The following VTCN1 variants were observed in gnomAD, a reference collection of about 807,000 sequenced individuals.
VTCN1 encodes V-set domain containing T cell activation inhibitor 1.
Under a neutral mutation model 26.5 loss-of-function variants are expected in VTCN1, and 26 were observed. That is an observed-to-expected ratio of 0.98 (90% CI 0.72 to 1.36). VTCN1 has a LOEUF of 1.36. VTCN1 is among the 40% of genes most tolerant of loss of function. The pLI is 0.00. For missense variants in VTCN1, 298 were observed against 337.7 expected (o/e 0.88, Z 0.92); for synonymous variants, 116 against 130.7 (o/e 0.89, Z 0.77).
chr1:117,203,783 C>A lies in VTCN1; in HGVS notation c.32+7041G>T, dbSNP rs140286460. On this transcript the variant is annotated intron_variant, in intron 1 of 5. Coordinates refer to ENST00000369458, the MANE Select transcript of VTCN1 (RefSeq NM_024626.4). ...TCTGGAGGAATCAGGGAGCACAGAG[C>A]GGCTGCTAATACAGAGAATCACCTG... 967 of 985,338 alleles carry A rather than the reference C, an allele frequency of 9.8e-4. 11 individuals are homozygous for A. The African/African-American group carries it at 0.016, about 16-fold the overall frequency. The allele number at this position is 985,338 out of a possible 1,614,324, so 61.0% of individuals were successfully genotyped here. A position where few individuals can be genotyped will look rare whatever the true frequency, so the allele number is the denominator to read the frequency against.
At position 117,143,634 on chromosome 1, in the gene VTCN1, C is replaced by G. The variant is rs1421110939; in HGVS notation, c.*1637G>C. 1 of 152,174 alleles carries G rather than the reference C, an allele frequency of 6.6e-6. No homozygotes were observed. The highest frequency in any genetic ancestry group is 1.5e-5 in the Non-Finnish European group (1 of 68,038). The allele number at this position is 152,174 out of a possible 1,614,324, so 9.4% of individuals were successfully genotyped here. A position where few individuals can be genotyped will look rare whatever the true frequency, so the allele number is the denominator to read the frequency against. ...ATCATTCTCTTGAACGATCAGAACT[C>G]TAAAATCAGTTTTCTATAACAACAT... On this transcript the variant is annotated 3_prime_UTR_variant, in exon 6 of 6. Coordinates refer to ENST00000369458, the MANE Select transcript of VTCN1 (RefSeq NM_024626.4).
intron 4 of VTCN1, among the ~76,000 whole-genome samples, chr1:117,152,264 T>G (rs936656780): frequency 6.6e-6 from 1 of 152,216 alleles, no homozygotes; most frequent in African/African-American, 2.4e-5. Context: ...AGAATATGAT[T>G]TATTCAGTTA....
At position 117,146,813 on chromosome 1, in the gene VTCN1, C is replaced by A. The variant is rs954420356; in HGVS notation, c.*45+800G>T. Among the ~76,000 whole-genome samples the A allele has an allele frequency of 6.6e-6, 1 of 152,186 alleles. No individual in the cohort carries two copies. Among genetic ancestry groups the A allele is most frequent in the African/African-American group, 2.4e-5 (1 of 41,520 alleles). ...GATGAAATCGTGTTTCAGAATACTT[C>A]GATTCTGGCACCGTGTTTCCTATCA... On this transcript the variant is annotated intron_variant, in intron 5 of 5. Transcript: ENST00000369458. The surrounding 1 kb of genome is among the most constrained non-coding windows in gnomAD (Gnocchi z 4.2).
intron 2 of VTCN1, among the ~76,000 whole-genome samples, chr1:117,160,863 A>T (rs1268023497): frequency 6.6e-6 from 1 of 152,218 alleles, no homozygotes; most frequent in Non-Finnish European, 1.5e-5. Context: ...AAATGAGGGT[A>T]ATGAATGAGG....
intron 3 of VTCN1, among the ~76,000 whole-genome samples, 181 bp from the exon 4 acceptor site, chr1:117,153,550 T>A (rs895137444): frequency 3.3e-5 from 5 of 151,078 alleles, no homozygotes; most frequent in African/African-American, 1.2e-4. Context: ...TAGGTGCGAA[T>A]AATTATTTGC....
chr1:117,157,682 C>A (rs1000125216), intron 2 of VTCN1, among the ~76,000 whole-genome samples: 1 of 152,160 alleles, frequency 6.6e-6, no homozygotes, highest in Non-Finnish European at 1.5e-5. Context: ...CCCTCCAAAT[C>A]TCACGTTCTC....
rs534107028 is a variant in VTCN1 at position 117,173,280 on chromosome 1, A to T, written c.33-3109T>A. ...ACACAATTGCAGATGTAGTTAGTTA[A>T]GGTCATACCAGAGTAGGGTAGTGGT... is the stretch of plus-strand genomic sequence containing the variant. On this transcript the variant is annotated intron_variant, in intron 1 of 5. Coordinates refer to ENST00000369458, the MANE Select transcript of VTCN1 (RefSeq NM_024626.4). The T allele has an allele frequency of 1.7e-4, 114 of 672,140 alleles. No individual in the cohort carries two copies. In the East Asian group the frequency reaches 3.1e-3, roughly 18 times the overall value. The allele number at this position is 672,140 out of a possible 1,614,324, so 41.6% of individuals were successfully genotyped here.
intron 4 of VTCN1, among the ~76,000 whole-genome samples, chr1:117,150,172 CA>C (rs1173907095): frequency 1.3e-5 from 2 of 152,176 alleles, no homozygotes; most frequent in African/African-American, 4.8e-5. Context: ...GATACTGCCT[CA>C]TTGGCCTAGG....
rs1651891868 is a variant in VTCN1, at chr1:117,153,247, TG to T, written c.567del (p.Asn190ThrfsTer12). 1 of 1,614,090 alleles carries T rather than the reference TG, an allele frequency of 6.2e-7. No homozygotes were observed. Among genetic ancestry groups the T allele is most frequent in the Non-Finnish European group, 8.5e-7 (1 of 1,179,984 alleles). On this transcript the variant is annotated frameshift_variant, in exon 4 of 6. Coordinates refer to ENST00000369458, the MANE Select transcript of VTCN1 (RefSeq NM_024626.4). LOFTEE classifies it high-confidence loss of function. ...VVWASQVDQG[A>X]NFSEVSNTSF... The stretch of plus-strand genomic sequence containing the variant: ...CTGGTATTGGAGACTTCCGAGAAGT[TG>T]GCTCCCTGGTCAACTTGGGATGCCC...
At chr1:117,196,898 C>T (rs1242358099) in intron 1 of VTCN1, among the ~76,000 whole-genome samples, 1 of 152,214 alleles carries the variant, frequency 6.6e-6, no homozygotes, top group Non-Finnish European at 1.5e-5. Context: ...GCCAGCAGCA[C>T]CTGGAGCCCC....
intron 1 of VTCN1, among the ~76,000 whole-genome samples, chr1:117,195,416 C>A (rs188367081): frequency 1.3e-5 from 2 of 151,958 alleles, no homozygotes; most frequent in East Asian, 3.9e-4. Context: ...TTGTGGTAAT[C>A]GTTTCACAAT....
chr1:117,207,473 T>C (rs1042055867), intron 1 of VTCN1, among the ~76,000 whole-genome samples: 1 of 151,964 alleles, frequency 6.6e-6, no homozygotes, highest in African/African-American at 2.4e-5. Flanking sequence ...CACCCTTGAA[T>C]GTTGGTGTTC....
chr1:117,193,614 G>T (rs570570169), intron 1 of VTCN1, among the ~76,000 whole-genome samples: 21 of 152,194 alleles, frequency 1.4e-4, no homozygotes, highest in Middle Eastern at 6.8e-3. Context: ...AATATTAACA[G>T]AACTGAAGGG....
rs1315467952 is a variant in VTCN1, at chr1:117,177,814, A to G, written c.33-7643T>C. Among the ~76,000 whole-genome samples the G allele has an allele frequency of 2.0e-5, 3 of 151,680 alleles. No individual in the cohort carries two copies. The East Asian group carries it at 5.8e-4, about 29-fold the overall frequency. On this transcript the variant is annotated intron_variant, in intron 1 of 5. Coordinates refer to ENST00000369458, the MANE Select transcript of VTCN1 (RefSeq NM_024626.4). Reference sequence around the variant, plus strand: ...GATTTCATCTTGTATGCCAACAATCATTTGAATGACTGGTAGTGGTGGCTT... The same window carrying G: ...GATTTCATCTTGTATGCCAACAATCGTTTGAATGACTGGTAGTGGTGGCTT...
chr1:117,193,985 C>G (rs1222285865), intron 1 of VTCN1, among the ~76,000 whole-genome samples: 3 of 152,038 alleles, frequency 2.0e-5, no homozygotes, highest in African/African-American at 4.8e-5. Flanking sequence ...GATATGACAC[C>G]AAAAACACAA....
chr1:117,202,986 A>G lies in VTCN1; in HGVS notation c.32+7838T>C, dbSNP rs955006937. Among the ~76,000 whole-genome samples, 5 of 152,168 alleles carry G rather than the reference A, an allele frequency of 3.3e-5. No individual in the cohort carries two copies. The South Asian group carries it at 1.0e-3, about 32-fold the overall frequency. On this transcript the variant is annotated intron_variant, in intron 1 of 5. Transcript: ENST00000369458. ...CGGGTTGCATGCTGATGGGGATAAT[A>G]GAGGTGCAGAGGAGAGATTGATGAT...
chr1:117,156,992 T>A (rs573441890), intron 2 of VTCN1, 71 bp from the exon 3 acceptor site: 1 of 1,609,656 alleles, frequency 6.2e-7, no homozygotes, highest in African/African-American at 1.3e-5. Flanking sequence ...CCTTCATTGC[T>A]GAAAGCCAGA....
chr1:117,151,046 T>G (rs562700520), intron 4 of VTCN1, among the ~76,000 whole-genome samples: 1 of 152,306 alleles, frequency 6.6e-6, no homozygotes, highest in African/African-American at 2.4e-5. Context: ...TGATTCTATC[T>G]CTTGACTTTG....
Position 117,175,036 on chromosome 1 carries a change from G to C in VTCN1, c.33-4865C>G, listed in dbSNP as rs772951007. On this transcript the variant is annotated intron_variant, in intron 1 of 5. Transcript: ENST00000369458. This position sits in a 1 kb window ranked among gnomAD's most constrained non-coding sequence, Gnocchi z 4.2. ...GAGCAGCTTTGCAGCCTGGAATTCTGTCTCCATTCCTGAGGAGGGCCTGGT... is the reference window on the plus strand; with the variant it reads ...GAGCAGCTTTGCAGCCTGGAATTCTCTCTCCATTCCTGAGGAGGGCCTGGT... Among the ~76,000 whole-genome samples the C allele has an allele frequency of 1.3e-5, 2 of 152,186 alleles. No homozygotes were observed. The highest frequency in any genetic ancestry group is 2.9e-5 in the Non-Finnish European group (2 of 68,038).
Sources: gnomAD v4.1 joint callset for allele counts (sites outside exome capture counted in the v4.1 genomes callset) on GRCh38, gnomAD v4.1.1 for gene constraint, Gnocchi (gnomAD v3.1) non-coding constraint, MANE v1.5 for transcripts, NCBI Gene and HGNC (gene_info 2026-07-23, HGNC 2026-07-21) for gene names.